The following GPHN variants were observed in gnomAD, a reference collection of about 807,000 sequenced individuals.
GPHN encodes gephyrin.
GPHN carries 17 observed loss-of-function variants against 95.5 expected under a neutral mutation model. That is an observed-to-expected ratio of 0.18 (90% confidence interval 0.12 to 0.27). The LOEUF (loss-of-function observed/expected upper bound fraction) is 0.27. Among genes scored for constraint, GPHN ranks in the 10% least tolerant of loss-of-function variants. GPHN has a pLI of 1.00. For synonymous variants in GPHN, 320 were observed against 322.5 expected, an observed-to-expected ratio of 0.99 and a Z score of 0.08; for missense variants, 660 against 978.1, an observed-to-expected ratio of 0.67 and a Z score of 4.34.
At chr14:67,305,076 T>C in the GPHN span, among the ~76,000 whole-genome samples, 1 of 152,220 alleles carries the variant, frequency 6.6e-6, no homozygotes, top group South Asian at 2.1e-4. Context: ...ATAGTTTGTC[T>C]TTGAATTTAA....
At chr14:67,187,759 T>A in the GPHN span, among the ~76,000 whole-genome samples, 1 of 151,996 alleles carries the variant, frequency 6.6e-6, no homozygotes, top group African/African-American at 2.4e-5. Flanking sequence ...CCTCTGTGCC[T>A]TTGCTCAGAC....
the GPHN span, chr14:67,317,339 C>A: frequency 1.5e-5 from 19 of 1,296,448 alleles, no homozygotes; most frequent in South Asian, 2.2e-4. Flanking sequence ...AAATAGAGTT[C>A]TTCAATTTGA....
chr14:67,085,340 T>C (rs957946612), intron 11 of GPHN, among the ~76,000 whole-genome samples: 2 of 152,250 alleles, frequency 1.3e-5, no homozygotes, highest in Non-Finnish European at 2.9e-5. Context: ...TGATATTCTT[T>C]TATCCAAATT....
intron 1 of GPHN, among the ~76,000 whole-genome samples, chr14:66,588,795 C>A (rs1457887950): frequency 6.6e-6 from 1 of 152,162 alleles, no homozygotes; most frequent in African/African-American, 2.4e-5. Context: ...TGGAACCACA[C>A]TGGAAATCAC....
chr14:67,172,064 C>T (rs996256794), intron 21 of GPHN, among the ~76,000 whole-genome samples: 1 of 152,180 alleles, frequency 6.6e-6, no homozygotes, highest in Non-Finnish European at 1.5e-5. Context: ...AACTACTGCA[C>T]TACACCATGT....
At chr14:67,172,747 A>C (rs1235837822) in intron 21 of GPHN, among the ~76,000 whole-genome samples, 1 of 152,024 alleles carries the variant, frequency 6.6e-6, no homozygotes. Context: ...TTGCTATGCT[A>C]TTTATTGCCC....
intron 2 of GPHN, among the ~76,000 whole-genome samples, chr14:66,766,477 C>T (rs2058966216): frequency 6.6e-6 from 1 of 151,952 alleles, no homozygotes; most frequent in Non-Finnish European, 1.5e-5. Context: ...TTGAATGAAA[C>T]ACTAGACTCA....
chr14:67,641,206 C>T, the GPHN span, among the ~76,000 whole-genome samples: 1 of 152,060 alleles, frequency 6.6e-6, no homozygotes, highest in African/African-American at 2.4e-5. Flanking sequence ...TATAAAATTA[C>T]CTTCAGGCTA....
At chr14:66,796,051 A>C (rs903286489) in intron 3 of GPHN, among the ~76,000 whole-genome samples, 1 of 151,956 alleles carries the variant, frequency 6.6e-6, no homozygotes, top group African/African-American at 2.4e-5. Flanking sequence ...CAATCGTTTT[A>C]ATTTTTAGAT....
chr14:66,582,699 A>G (rs1390608847), intron 1 of GPHN, among the ~76,000 whole-genome samples: 1 of 152,044 alleles, frequency 6.6e-6, no homozygotes, highest in Non-Finnish European at 1.5e-5. Flanking sequence ...CCATGTCCCT[A>G]CAAAGGACAT....
At chr14:67,012,906 A>AT (rs2073090313) in intron 9 of GPHN, among the ~76,000 whole-genome samples, 1 of 151,914 alleles carries the variant, frequency 6.6e-6, no homozygotes, top group Non-Finnish European at 1.5e-5. Context: ...ATCACTACTT[A>AT]TTTTTTTATT....
intron 3 of GPHN, among the ~76,000 whole-genome samples, chr14:66,803,973 G>C (rs758604314): frequency 2.4e-4 from 37 of 151,306 alleles, no homozygotes; most frequent in Non-Finnish European, 2.9e-5. Flanking sequence ...GAAAGTTCTT[G>C]GCTGTAAACT....
chr14:66,803,912 T>C (rs1014755497), intron 3 of GPHN, among the ~76,000 whole-genome samples: 5 of 152,140 alleles, frequency 3.3e-5, no homozygotes, highest in African/African-American at 1.2e-4. Context: ...ATTTCATCCA[T>C]TTTGTTAATT....
At chr14:66,691,235 A>T (rs1313683275) in intron 2 of GPHN, among the ~76,000 whole-genome samples, 3 of 151,860 alleles carry the variant, frequency 2.0e-5, no homozygotes, top group Non-Finnish European at 2.9e-5. Context: ...ACCAGGCTGA[A>T]GTGCAGTGGC....
intron 8 of GPHN, among the ~76,000 whole-genome samples, chr14:66,959,575 T>A (rs1199224288): frequency 6.6e-6 from 1 of 152,132 alleles, no homozygotes; most frequent in Non-Finnish European, 1.5e-5. Flanking sequence ...TCTTTCAACA[T>A]TTTGACCATA....
At chr14:67,278,266 C>T in the GPHN span, among the ~76,000 whole-genome samples, 1 of 151,866 alleles carries the variant, frequency 6.6e-6, no homozygotes, top group Admixed American at 6.6e-5. Context: ...GAACTCCCGA[C>T]CTCAGGTGAT....
chr14:66,830,578 C>A lies in GPHN; in HGVS notation c.294+6012C>A, dbSNP rs1319902721. 2.6e-5 allele frequency among the ~76,000 whole-genome samples: 4 copies of A among 151,862 alleles called. No homozygotes were observed. In the East Asian group the frequency reaches 7.7e-4, roughly 29 times the overall value. On this transcript the variant is annotated intron_variant, in intron 4 of 22. Coordinates refer to ENST00000478722, the MANE Select transcript of GPHN (RefSeq NM_020806.5). ...ACAAAAGAAGAAATAGCAAAAATAC[C>A]AGGAAACTGTAAATTTGACATAAGG...
chr14:67,638,273 T>C, the GPHN span, among the ~76,000 whole-genome samples: 4,388 of 152,084 alleles, frequency 0.029, 226 homozygotes, highest in African/African-American at 0.1. Context: ...TCTGTAATCC[T>C]AGCACTTTAG....
At chr14:67,155,879 T>C (rs1217707123) in intron 18 of GPHN, among the ~76,000 whole-genome samples, 1 of 152,060 alleles carries the variant, frequency 6.6e-6, no homozygotes, top group African/African-American at 2.4e-5. Flanking sequence ...GAAGGACACA[T>C]TGCCTTCAAA....
Sources: gnomAD v4.1 joint callset for allele counts (sites outside exome capture counted in the v4.1 genomes callset) on GRCh38, gnomAD v4.1.1 for gene constraint, MANE v1.5 for transcripts, NCBI Gene and HGNC (gene_info 2026-07-23, HGNC 2026-07-21) for gene names.